The following TAFA5 variants were observed in gnomAD, a reference collection of about 807,000 sequenced individuals.
The protein encoded by TAFA5 is TAFA chemokine like family member 5.
Under a neutral mutation model 15.3 loss-of-function variants are expected in TAFA5, and 6 were observed. That is an observed-to-expected ratio of 0.39 (90% CI 0.21 to 0.77). The LOEUF (loss-of-function observed/expected upper bound fraction) is 0.77, where lower values mean the gene tolerates loss of function less well. Among genes scored for constraint, TAFA5 ranks in the 30% least tolerant of loss-of-function variants. The pLI is 0.41. For missense variants in TAFA5, 161 were observed against 193.1 expected (o/e 0.83, Z 0.98); for synonymous variants, 103 against 80.7 (o/e 1.28, Z -1.48).
intron 1 of TAFA5, among the ~76,000 whole-genome samples, chr22:48,616,026 T>C (rs28564712): frequency 0.65 from 98,184 of 152,044 alleles, 32,010 homozygotes; most frequent in East Asian, 0.83. Flanking sequence ...ACGTCCCTAC[T>C]GGTTCTGTGG....
At chr22:48,612,630 C>T (rs554097501) in intron 1 of TAFA5, among the ~76,000 whole-genome samples, 2 of 150,660 alleles carry the variant, frequency 1.3e-5, no homozygotes, top group Admixed American at 6.6e-5. Flanking sequence ...CCGTTCCCCG[C>T]GTGTCTCCCT....
intron 3 of TAFA5, among the ~76,000 whole-genome samples, chr22:48,743,710 G>A (rs771196326): frequency 5.9e-5 from 9 of 152,232 alleles, no homozygotes; most frequent in Non-Finnish European, 1.2e-4. Flanking sequence ...CGTCTCTGAT[G>A]TCCAATCTGC....
chr22:48,576,599 T>C, intron 1 of TAFA5: 1 of 1,407,970 alleles, frequency 7.1e-7, no homozygotes. Context: ...CGCGGACCGG[T>C]CCTCCGCGCT....
rs535801060 is a variant in TAFA5 at position 48,688,681 on chromosome 22, AG to A, written c.263-19035del. ...CTTGACTTCCCAGTTTCTGAGAAAC[AG>A]TGTGTCCTGATTTAACAAAAAAAGA... On this transcript the variant is annotated intron_variant, in intron 2 of 3. Transcript: ENST00000402357. 1.5e-3 allele frequency among the ~76,000 whole-genome samples: 232 copies of A among 152,292 alleles called. 1 individual carries two copies. Among genetic ancestry groups the A allele is most frequent in the Non-Finnish European group, 2.5e-3 (168 of 68,028 alleles).
chr22:48,719,734 G>C (rs1929512821), intron 3 of TAFA5, among the ~76,000 whole-genome samples: 1 of 152,212 alleles, frequency 6.6e-6, no homozygotes, highest in South Asian at 2.1e-4. Flanking sequence ...TCATTACTCT[G>C]CTCCCTGTCT....
chr22:48,710,115 T>C (rs13058057), intron 3 of TAFA5, among the ~76,000 whole-genome samples: 52,918 of 151,974 alleles, frequency 0.35, 9,549 homozygotes, highest in East Asian at 0.55. Context: ...CATCGGGGTC[T>C]TCAGATCTGC....
chr22:48,685,993 G>A (rs1244313949), intron 2 of TAFA5, among the ~76,000 whole-genome samples: 1 of 151,268 alleles, frequency 6.6e-6, no homozygotes. Flanking sequence ...TGCGCCCCGG[G>A]AGTACACGCA....
intron 1 of TAFA5, among the ~76,000 whole-genome samples, chr22:48,586,260 GT>G (rs1309964940): frequency 1.3e-5 from 2 of 152,268 alleles, no homozygotes; most frequent in Non-Finnish European, 2.9e-5. Context: ...CAGAGGTGGC[GT>G]GGGTGTTGCC....
intron 1 of TAFA5, among the ~76,000 whole-genome samples, chr22:48,498,352 G>T (rs1345060566): frequency 6.6e-6 from 1 of 152,046 alleles, no homozygotes; most frequent in Non-Finnish European, 1.5e-5. Context: ...AGAGGCAGGG[G>T]CTGGAGGGCT....
intron 1 of TAFA5, among the ~76,000 whole-genome samples, chr22:48,535,367 T>C (rs530616029): frequency 1.3e-5 from 2 of 152,238 alleles, no homozygotes; most frequent in African/African-American, 2.4e-5. Flanking sequence ...ACAGAGGATG[T>C]GATGGCCTTA....
chr22:48,714,943 G>A (rs4988653), intron 3 of TAFA5, among the ~76,000 whole-genome samples: 9,618 of 152,242 alleles, frequency 0.063, 367 homozygotes, highest in Admixed American at 0.095. Flanking sequence ...CTCTGCATCC[G>A]TCTTCATGGG....
Position 48,633,523 on chromosome 22 carries a change from TGTCTGTCTGTCTCTCC to T in TAFA5, c.113-13073_113-13058del, listed in dbSNP as rs199595098. 5.7e-3 allele frequency among the ~76,000 whole-genome samples: 485 copies of T among 84,518 alleles called. 7 individuals are homozygous for T. The highest frequency in any genetic ancestry group is 0.011 in the East Asian group (31 of 2,846). 55.4% of individuals were successfully genotyped at this position (84,518 alleles called of 152,430 possible). A position where few individuals can be genotyped will look rare whatever the true frequency, so the allele number is the denominator to read the frequency against. On this transcript the variant is annotated intron_variant, in intron 1 of 3. Transcript: ENST00000402357. ...CTGTCTGTCTGTCTGTCTGTCTGTCTGTCTGTCTGTCTCTCCCTCTCTCTCTCTCTCTCTCCATCTC... is the reference window on the plus strand; with the variant it reads ...CTGTCTGTCTGTCTGTCTGTCTGTCTCTCTCTCTCTCTCTCTCTCCATCTC...
At chr22:48,675,903 GCGCACCCTGA>G (rs1340015513) in intron 2 of TAFA5, among the ~76,000 whole-genome samples, 1 of 152,254 alleles carries the variant, frequency 6.6e-6, no homozygotes, top group Non-Finnish European at 1.5e-5. Context: ...GTGCATCACA[GCGCACCCTGA>G]CGCCCAGGCA....
At chr22:48,633,553 T>TCTCTCTCTCC (rs1555894484) in intron 1 of TAFA5, among the ~76,000 whole-genome samples, 5 of 138,908 alleles carry the variant, frequency 3.6e-5, no homozygotes, top group East Asian at 3.9e-4. Flanking sequence ...TCTCTCTCTC[T>TCTCTCTCTCC]CTCTCCATCT....
chr22:48,584,162 TCATA>T (rs1051832187), intron 1 of TAFA5, among the ~76,000 whole-genome samples: 2 of 117,358 alleles, frequency 1.7e-5, no homozygotes, highest in Non-Finnish European at 3.5e-5. Context: ...ATCACATACA[TCATA>T]CACACACCAC....
chr22:48,731,301 G>A (rs1438703169), intron 3 of TAFA5, among the ~76,000 whole-genome samples: 2 of 152,268 alleles, frequency 1.3e-5, no homozygotes, highest in Admixed American at 6.5e-5. Context: ...AGTGCAAGGT[G>A]AAGCAGCAAC....
chr22:48,638,396 G>C (rs113417603), intron 1 of TAFA5, among the ~76,000 whole-genome samples: 5 of 99,570 alleles, frequency 5.0e-5, no homozygotes, highest in African/African-American at 7.8e-5. Flanking sequence ...CGCACACAGG[G>C]GGGACCCCGA....
chr22:48,524,396 GCCAC>G (rs770130896), intron 1 of TAFA5, among the ~76,000 whole-genome samples: 2 of 152,114 alleles, frequency 1.3e-5, no homozygotes, highest in Non-Finnish European at 2.9e-5. Flanking sequence ...ATTCCCCAAG[GCCAC>G]CCTGAGGAGC....
At position 48,490,849 on chromosome 22, in the gene TAFA5, C is replaced by T; in HGVS notation, c.112+1145C>T. Among the ~76,000 whole-genome samples the T allele has an allele frequency of 6.6e-6, 1 of 151,168 alleles. No homozygotes were observed. The highest frequency in any genetic ancestry group is 2.0e-4 in the East Asian group (1 of 5,120). The stretch of plus-strand genomic sequence containing the variant: ...CCACCTCCTCCAGAGCCCCGGGCCT[C>T]CAAGCTCCCAGTCCGATCTGATCCT... On this transcript the variant is annotated intron_variant, in intron 1 of 3. Coordinates refer to ENST00000402357, the MANE Select transcript of TAFA5 (RefSeq NM_001082967.3). The surrounding 1 kb of genome is among the most constrained non-coding windows in gnomAD (Gnocchi z 5.8).
Sources: allele counts gnomAD v4.1 joint callset (sites outside exome capture counted in the v4.1 genomes callset), GRCh38; gene constraint gnomAD v4.1.1; non-coding constraint Gnocchi (gnomAD v3.1); transcripts MANE v1.5; gene names NCBI Gene and HGNC (gene_info 2026-07-23, HGNC 2026-07-21).